The following CLTCL1 variants were observed in gnomAD, a reference collection of about 807,000 sequenced individuals.
CLTCL1 encodes the protein clathrin heavy chain like 1.
Under a neutral mutation model 190.0 loss-of-function variants are expected in CLTCL1, and 159 were observed. The observed-to-expected ratio is 0.84, with a 90% CI of 0.74 to 0.95. The LOEUF is 0.95. Ranked by LOEUF, CLTCL1 falls within the 40% of genes least tolerant of loss-of-function variation. The pLI is 0.00. For synonymous variants in CLTCL1, 752 were observed against 769.6 expected, an observed-to-expected ratio of 0.98 and a Z score of 0.38; for missense variants, 1,878 against 2,033.4, an observed-to-expected ratio of 0.92 and a Z score of 1.47.
chr22:19,213,445 T>C (rs1158467322), intron 19 of CLTCL1, among the ~76,000 whole-genome samples: 1 of 152,222 alleles, frequency 6.6e-6, no homozygotes, highest in African/African-American at 2.4e-5. Flanking sequence ...ATATACCATG[T>C]GATTGGGTAT....
intron 30 of CLTCL1, chr22:19,182,316 G>A (rs797030336): frequency 3.3e-5 from 5 of 152,430 alleles, no homozygotes; most frequent in African/African-American, 1.2e-4. Flanking sequence ...CACTGTGGTG[G>A]GGGAACCAGG....
At chr22:19,180,272 G>C (rs1555925243) in intron 31 of CLTCL1, 34 bp from the exon 32 acceptor site, 2 of 1,613,098 alleles carry the variant, frequency 1.2e-6, no homozygotes, top group Admixed American at 1.7e-5. Flanking sequence ...ATGGTGGAAG[G>C]ACACACTCAG....
intron 2 of CLTCL1, chr22:19,257,657 G>T (rs919058650): frequency 2.5e-5 from 12 of 484,100 alleles, no homozygotes; most frequent in Non-Finnish European, 4.4e-5. Context: ...TGGGCTCCCA[G>T]ATCTCTGTGT....
intron 2 of CLTCL1, chr22:19,258,536 G>GGTCCTACT: frequency 1.8e-6 from 1 of 565,072 alleles, no homozygotes; most frequent in South Asian, 1.6e-5. Flanking sequence ...AGCTCAACAG[G>GGTCCTACT]GTCCTACTGT....
chr22:19,254,894 A>C (rs1172594090), intron 2 of CLTCL1, among the ~76,000 whole-genome samples: 2 of 152,334 alleles, frequency 1.3e-5, no homozygotes, highest in East Asian at 3.9e-4. Context: ...TCTAGACAAA[A>C]TATTTGGCAT....
intron 17 of CLTCL1, among the ~76,000 whole-genome samples, chr22:19,220,834 T>C (rs1373267350): frequency 3.3e-5 from 5 of 152,166 alleles, no homozygotes; most frequent in African/African-American, 7.2e-5. Context: ...CATGTAATTA[T>C]ATGTGGATCC....
At chr22:19,267,644 A>T (rs1555978477) in intron 2 of CLTCL1, among the ~76,000 whole-genome samples, 1 of 152,192 alleles carries the variant, frequency 6.6e-6, no homozygotes, top group African/African-American at 2.4e-5. Context: ...CTGTAATCCC[A>T]ATACTTTGTG....
chr22:19,269,059 C>T (rs2087215462), intron 2 of CLTCL1, among the ~76,000 whole-genome samples: 1 of 145,800 alleles, frequency 6.9e-6, no homozygotes, highest in Admixed American at 7.0e-5. Flanking sequence ...CACTGCACTC[C>T]AGCCTGGGTG....
At chr22:19,190,861 T>G (rs1321102674) in intron 27 of CLTCL1, among the ~76,000 whole-genome samples, 4 of 151,840 alleles carry the variant, frequency 2.6e-5, no homozygotes. Flanking sequence ...CACTGCTAGC[T>G]GTGCCTCCCG....
rs2084711982 is a variant in CLTCL1 at position 19,196,522 on chromosome 22, C to G, written c.4008G>C (p.Leu1336=). 1.9e-6 allele frequency: 3 copies of G among 1,614,070 alleles called. No homozygotes were observed. In the African/African-American group the frequency reaches 4.0e-5, roughly 21 times the overall value. The part of the protein sequence containing the change: ...KFKPQKMLEH[L]ELFWSRVNIP... ...TGTTGACACGGGACCAGAAAAGCTC[C>G]AGATGCTCCAGCATCTTCTGTGGCT... is the stretch of plus-strand genomic sequence containing the variant. Residue 1336 remains leucine (L), a synonymous_variant, in exon 25 of 33, where the codon CTG becomes CTC. Transcript: ENST00000427926.
intron 1 of CLTCL1, among the ~76,000 whole-genome samples, chr22:19,283,533 G>A (rs530574655): frequency 1.8e-4 from 28 of 152,042 alleles, no homozygotes; most frequent in African/African-American, 6.8e-4. Flanking sequence ...CACTTTCCTC[G>A]GCCTCCCAAA....
At chr22:19,250,466 G>A (rs1180530165) in intron 3 of CLTCL1, among the ~76,000 whole-genome samples, 2 of 150,872 alleles carry the variant, frequency 1.3e-5, no homozygotes, top group East Asian at 2.0e-4. Flanking sequence ...AGCCTCCCAC[G>A]TAGCCAGGAC....
chr22:19,273,596 C>T lies in CLTCL1; in HGVS notation c.250+2027G>A, dbSNP rs112591896. On this transcript the variant is annotated intron_variant, in intron 2 of 32. Coordinates refer to ENST00000427926, the MANE Select transcript of CLTCL1 (RefSeq NM_007098.4). The stretch of plus-strand genomic sequence containing the variant: ...AAGCACAGAAAAAACAAGGTTACTG[C>T]GCAACTCACAAAATACCAACACGCC... 2.8e-3 allele frequency among the ~76,000 whole-genome samples: 430 copies of T among 152,158 alleles called. 4 individuals are homozygous for T. Among genetic ancestry groups the T allele is most frequent in the African/African-American group, 9.5e-3 (393 of 41,478 alleles).
chr22:19,192,595 G>A (rs1371288247), intron 26 of CLTCL1, among the ~76,000 whole-genome samples: 3 of 152,236 alleles, frequency 2.0e-5, no homozygotes, highest in African/African-American at 4.8e-5. Context: ...CTGGGTTTGG[G>A]TGACCTGGCA....
At position 19,225,651 on chromosome 22, in the gene CLTCL1, T is replaced by C. The variant is rs1555955526; in HGVS notation, c.1948-18A>G. 6.4e-7 allele frequency: 1 copy of C among 1,557,328 alleles called. No homozygotes were observed. The highest frequency in any genetic ancestry group is 8.7e-7 in the Non-Finnish European group (1 of 1,149,604). On this transcript the variant is annotated intron_variant, in intron 12 of 32. Transcript: ENST00000427926. ...ACAAGCCACTGGGAACAAGGAAGAG[T>C]CTGTCCACAACGATGCACCACTCTA...
chr22:19,274,319 A>G (rs1290995666), intron 2 of CLTCL1, among the ~76,000 whole-genome samples: 2 of 152,140 alleles, frequency 1.3e-5, no homozygotes, highest in African/African-American at 4.8e-5. Flanking sequence ...TTTAAGTACT[A>G]CAACAACATA....
chr22:19,221,339 C>A, intron 17 of CLTCL1, 38 bp downstream of exon 17: 2 of 1,481,786 alleles, frequency 1.3e-6, no homozygotes, highest in Non-Finnish European at 1.8e-6. Context: ...CCTGGGAGCC[C>A]AGGGTTACAT....
intron 2 of CLTCL1, among the ~76,000 whole-genome samples, chr22:19,273,974 T>C (rs1327055979): frequency 1.3e-5 from 2 of 151,936 alleles, no homozygotes; most frequent in African/African-American, 2.4e-5. Context: ...ATCTAACTAT[T>C]GCGTTCTCTT....
intron 29 of CLTCL1, 61 bp from the exon 30 acceptor site, chr22:19,183,672 A>C: frequency 1.3e-6 from 2 of 1,556,786 alleles, no homozygotes; most frequent in Non-Finnish European, 1.8e-6. Flanking sequence ...TGCCTGCAGC[A>C]GCTGGGCCGG....
Sources: gnomAD v4.1 joint callset for allele counts (sites outside exome capture counted in the v4.1 genomes callset) on GRCh38, gnomAD v4.1.1 for gene constraint, MANE v1.5 for transcripts, NCBI Gene and HGNC (gene_info 2026-07-23, HGNC 2026-07-21) for gene names.